MNS1: variants seen among roughly 807,000 people sequenced by gnomAD.
The protein encoded by MNS1 is meiosis specific nuclear structural 1.
A neutral mutation model predicts 72.0 loss-of-function variants in MNS1; 63 were observed. The observed-to-expected ratio is 0.87, with a 90% CI of 0.71 to 1.08. The LOEUF (loss-of-function observed/expected upper bound fraction) is 1.08. Among genes scored for constraint, MNS1 ranks in the 50% least tolerant of loss-of-function variants. MNS1 has a pLI of 0.00. For missense variants in MNS1, 604 were observed against 562.4 expected (o/e 1.07, Z -0.75); for synonymous variants, 188 against 172.1 (o/e 1.09, Z -0.72).
intron 2 of MNS1, among the ~76,000 whole-genome samples, chr15:56,461,978 T>TTGTTG (rs2051025284): frequency 1.4e-4 from 1 of 7,162 alleles, no homozygotes; most frequent in Non-Finnish European, 2.5e-4. Context: ...TGTTGTTGTT[T>TTGTTG]TTTTTTTTTT....
chr15:56,444,607 C>A lies in MNS1; in HGVS notation c.523G>T (p.Ala175Ser). Residue 175 changes from alanine (A) to serine (S), a missense_variant, in exon 5 of 10, where the codon GCT (alanine) becomes TCT (serine). By Grantham distance (99) the Ala-to-Ser change is moderately conservative. Coordinates refer to ENST00000260453, the MANE Select transcript of MNS1 (RefSeq NM_018365.4). ...GCTTTGTTTCGTTTGTCTTCTGCAGCATTCTCTTCCTTTATTATTCTCTTG... is the reference window on the plus strand; with the variant it reads ...GCTTTGTTTCGTTTGTCTTCTGCAGAATTCTCTTCCTTTATTATTCTCTTG... Reference protein sequence around the residue: ...EHKRIIKEENAAEDKRNKAKA... With the variant: ...EHKRIIKEENSAEDKRNKAKA... 1 of 1,613,292 alleles carries A rather than the reference C, an allele frequency of 6.2e-7. No homozygotes were observed. The highest frequency in any genetic ancestry group is 1.3e-5 in the African/African-American group (1 of 74,984).
At chr15:56,445,746 G>A (rs548462925) in intron 4 of MNS1, 8 of 152,094 alleles carry the variant, frequency 5.3e-5, no homozygotes, top group African/African-American at 1.9e-4. Context: ...AGTAGTATTC[G>A]ACTTTCATTT....
chr15:56,442,100 G>T (rs1366980432), intron 7 of MNS1, among the ~76,000 whole-genome samples: 1 of 151,984 alleles, frequency 6.6e-6, no homozygotes, highest in Non-Finnish European at 1.5e-5. Flanking sequence ...CTCAAAAAAT[G>T]ATATATATGT....
At chr15:56,430,992 C>G (rs935714360) in intron 9 of MNS1, among the ~76,000 whole-genome samples, 3 of 152,120 alleles carry the variant, frequency 2.0e-5, no homozygotes, top group Non-Finnish European at 2.9e-5. Flanking sequence ...AAAATCCTGT[C>G]CTTACCAAAA....
intron 3 of MNS1, among the ~76,000 whole-genome samples, chr15:56,454,937 T>G (rs2050971196): frequency 6.6e-6 from 1 of 152,166 alleles, no homozygotes; most frequent in African/African-American, 2.4e-5. Flanking sequence ...TGCACAAATC[T>G]TAAGTGTACA....
intron 8 of MNS1, among the ~76,000 whole-genome samples, chr15:56,433,255 C>CGG (rs572493916): frequency 7.1e-5 from 1 of 14,014 alleles, no homozygotes; most frequent in Non-Finnish European, 1.6e-4. Context: ...CAGGGCCTGT[C>CGG]GGGGGGTGGG....
intron 7 of MNS1, among the ~76,000 whole-genome samples, chr15:56,441,096 AGTTTGAAATATTTTTC>A (rs1430052700): frequency 2.6e-5 from 4 of 152,132 alleles, no homozygotes; most frequent in African/African-American, 7.2e-5. Context: ...TGAATCATTT[AGTTTGAAATATTTTTC>A]TAATTTCCAA....
chr15:56,464,711 T>C (rs528954321), intron 1 of MNS1, among the ~76,000 whole-genome samples: 1 of 152,280 alleles, frequency 6.6e-6, no homozygotes, highest in South Asian at 2.1e-4. Context: ...CCTACACTTT[T>C]ATATCTACTT....
chr15:56,454,575 C>CT (rs1211083661), intron 3 of MNS1, among the ~76,000 whole-genome samples: 5 of 151,950 alleles, frequency 3.3e-5, no homozygotes, highest in African/African-American at 1.2e-4. Flanking sequence ...GTTCTGGCTG[C>CT]TTTTTTATGA....
chr15:56,431,227 G>A (rs1452126839), intron 9 of MNS1, 146 bp downstream of exon 9: 1 of 801,630 alleles, frequency 1.2e-6, no homozygotes, highest in East Asian at 2.6e-5. Context: ...GCCCAGAGAG[G>A]TTCAGTGCCT....
At chr15:56,451,158 TA>T (rs1427724484) in intron 3 of MNS1, among the ~76,000 whole-genome samples, 7 of 152,188 alleles carry the variant, frequency 4.6e-5, no homozygotes, top group African/African-American at 1.7e-4. Flanking sequence ...TCTTCTGGCC[TA>T]AATGAGTTCT....
chr15:56,458,283 C>T (rs534247806), intron 2 of MNS1, among the ~76,000 whole-genome samples: 1 of 151,682 alleles, frequency 6.6e-6, no homozygotes, highest in African/African-American at 2.4e-5. Context: ...AGTTCCAGAG[C>T]CTTAAAAAAA....
chr15:56,433,456 G>A (rs1394313472), intron 8 of MNS1, among the ~76,000 whole-genome samples: 1 of 151,962 alleles, frequency 6.6e-6, no homozygotes, highest in Non-Finnish European at 1.5e-5. Flanking sequence ...TGGAATGACA[G>A]TATTATTTAT....
Position 56,429,143 on chromosome 15 carries a change from CCTGAACTCTTCACCAAGCAGA to C in MNS1, c.1425_1445del (p.Asp475_Arg482delinsGlu), listed in dbSNP as rs1289121332. 6 of 1,602,846 alleles carry C rather than the reference CCTGAACTCTTCACCAAGCAGA, an allele frequency of 3.7e-6. No individual in the cohort carries two copies. Among genetic ancestry groups the C allele is most frequent in the Admixed American group, 1.7e-5 (1 of 57,998 alleles). On this transcript the variant is annotated inframe_deletion, in exon 10 of 10. Coordinates refer to ENST00000260453, the MANE Select transcript of MNS1 (RefSeq NM_018365.4). Reference sequence around the variant, plus strand: ...TTTCACTCCTTTGTTGATATACTTTCCTGAACTCTTCACCAAGCAGATCAATATCATCCTCTTTTTTAAATA... The same window carrying C: ...TTTCACTCCTTTGTTGATATACTTTCTCAATATCATCCTCTTTTTTAAATA...
intron 2 of MNS1, among the ~76,000 whole-genome samples, chr15:56,460,009 A>AATATATATATATAT (rs2051009415): frequency 7.6e-5 from 2 of 26,388 alleles, no homozygotes; most frequent in African/African-American, 3.0e-4. Flanking sequence ...AAAAAAAAAA[A>AATATATATATATAT]ATACATATAT....
In MNS1 at chr15:56,436,264, C is replaced by T. The variant is rs549649834; in HGVS notation, c.1012-1869G>A. On this transcript the variant is annotated intron_variant, in intron 7 of 9. Coordinates refer to ENST00000260453, the MANE Select transcript of MNS1 (RefSeq NM_018365.4). ...AAATTATAACAAACTGTCTCTCAGACCACAGTGCAATCAAACTAGAACTCA... is the reference window on the plus strand; with the variant it reads ...AAATTATAACAAACTGTCTCTCAGATCACAGTGCAATCAAACTAGAACTCA... Among the ~76,000 whole-genome samples, 27 of 152,276 alleles carry T rather than the reference C, an allele frequency of 1.8e-4. 1 individual carries two copies. The South Asian group carries it at 5.4e-3, about 30-fold the overall frequency.
intron 7 of MNS1, among the ~76,000 whole-genome samples, chr15:56,436,506 A>G (rs1438999068): frequency 5.3e-5 from 8 of 152,206 alleles, no homozygotes; most frequent in African/African-American, 1.9e-4. Flanking sequence ...AAAAATCAGG[A>G]AAGATCTAAA....
chr15:56,441,010 A>G (rs1462901947), intron 7 of MNS1, among the ~76,000 whole-genome samples: 2 of 152,140 alleles, frequency 1.3e-5, no homozygotes, highest in East Asian at 3.8e-4. Context: ...TTTTTCTAAT[A>G]TATGCATTTA....
At chr15:56,460,324 A>T (rs1241861148) in intron 2 of MNS1, among the ~76,000 whole-genome samples, 2 of 151,794 alleles carry the variant, frequency 1.3e-5, no homozygotes, top group Non-Finnish European at 2.9e-5. Context: ...AATAAGGAAG[A>T]TTTAATCTGT....
Sources: allele counts gnomAD v4.1 joint callset (sites outside exome capture counted in the v4.1 genomes callset), GRCh38; gene constraint gnomAD v4.1.1; transcripts MANE v1.5; gene names NCBI Gene and HGNC (gene_info 2026-07-23, HGNC 2026-07-21).